NCMAP: variants seen among roughly 807,000 people sequenced by gnomAD.
NCMAP encodes the protein non-compact myelin associated protein.
NCMAP carries 8 observed loss-of-function variants against 7.8 expected under a neutral mutation model. The ratio of observed to expected loss-of-function variants is 1.02; its 90% CI spans 0.60 to 1.84. The LOEUF (loss-of-function observed/expected upper bound fraction) is 1.84, where lower values mean the gene tolerates loss of function less well. NCMAP is among the 40% of genes most tolerant of loss of function. The pLI is 0.00. For missense variants in NCMAP, 112 were observed against 131.4 expected, an observed-to-expected ratio of 0.85 and a Z score of 0.72; for synonymous variants, 41 against 52.9, an observed-to-expected ratio of 0.78 and a Z score of 0.98.
Position 24,605,738 on chromosome 1 carries a change from G to T in NCMAP, c.300G>T (p.Glu100Asp). Residue 100 changes from glutamate (E) to aspartate (D), a missense_variant, in exon 4 of 4, where the codon GAG (glutamate) becomes GAT (aspartate). Physicochemically the swap from Glu to Asp is conservative, Grantham distance 45. Transcript: ENST00000374392. ...TCAGTCCTGTTGACGTCCAGGTGGA[G>T]ACGCGATGACCTCTACCCTGGCGCT... ...VTFSPVDVQV[E>D]TR 6.2e-7 allele frequency: 1 copy of T among 1,614,176 alleles called. No homozygotes were observed. The highest frequency in any genetic ancestry group is 1.1e-5 in the South Asian group (1 of 91,078).
At position 24,576,743 on chromosome 1, in the gene NCMAP, C is replaced by T. The variant is rs1291733629; in HGVS notation, c.-7-18681C>T. On this transcript the variant is annotated intron_variant, in intron 1 of 3. Coordinates refer to ENST00000374392, the MANE Select transcript of NCMAP (RefSeq NM_001010980.5). The surrounding 1 kb of genome is among the most constrained non-coding windows in gnomAD (Gnocchi z 4.0). ...AACTCCAGCCCAGGGTTCTTGCCCC[C>T]CATCTCAGGCCTCTCTGTTGGAGTT... 6.6e-6 allele frequency among the ~76,000 whole-genome samples: 1 copy of T among 152,148 alleles called. No homozygotes were observed. Among genetic ancestry groups the T allele is most frequent in the African/African-American group, 2.4e-5 (1 of 41,426 alleles).
intron 1 of NCMAP, among the ~76,000 whole-genome samples, chr1:24,559,788 T>C (rs1650996073): frequency 6.6e-6 from 1 of 152,190 alleles, no homozygotes; most frequent in Non-Finnish European, 1.5e-5. Context: ...AGCCCTGTAC[T>C]CTGCCTCAAG....
Position 24,605,783 on chromosome 1 carries a change from G to A in NCMAP, c.*36G>A. ...GGCGCTATCTCCACCACTGTCCAAA[G>A]AGCCTCTCCAGAGTCAAGACCCAGA... On this transcript the variant is annotated 3_prime_UTR_variant, in exon 4 of 4. Coordinates refer to ENST00000374392, the MANE Select transcript of NCMAP (RefSeq NM_001010980.5). 6.2e-7 allele frequency: 1 copy of A among 1,609,088 alleles called. No individual in the cohort carries two copies. Among genetic ancestry groups the A allele is most frequent in the Non-Finnish European group, 8.5e-7 (1 of 1,175,978 alleles).
intron 1 of NCMAP, among the ~76,000 whole-genome samples, chr1:24,566,399 T>C (rs1469077380): frequency 6.6e-6 from 1 of 152,080 alleles, no homozygotes; most frequent in Non-Finnish European, 1.5e-5. Flanking sequence ...CAGGAGAGAA[T>C]ATGGGATGGG....
chr1:24,603,576 T>C (rs993744566), intron 3 of NCMAP, among the ~76,000 whole-genome samples: 3 of 152,186 alleles, frequency 2.0e-5, no homozygotes, highest in Non-Finnish European at 2.9e-5. Context: ...TTCAGTAGTC[T>C]TTGGTTTGTC....
At position 24,601,014 on chromosome 1, in the gene NCMAP, A is replaced by G. The variant is rs113221702; in HGVS notation, c.157A>G (p.Met53Val). 5.6e-6 allele frequency: 9 copies of G among 1,614,014 alleles called. No homozygotes were observed. In the East Asian group the frequency reaches 6.7e-5, roughly 12 times the overall value. The change falls in exon 3 of 4, where the codon ATG (methionine) becomes GTG (valine). Residue 53 changes from methionine to valine, a missense_variant. Met to Val is a conservative substitution (Grantham distance 21, BLOSUM62 1). Transcript: ENST00000374392. The part of the protein sequence containing the change: ...IFTVVLILLK[M>V]YNRKMRTRRE... The stretch of plus-strand genomic sequence containing the variant: ...CACCGTGGTTCTGATCCTGCTGAAG[A>G]TGTACAACAGGTACGGATGCCCTGG...
chr1:24,572,283 T>G (rs1651413422), intron 1 of NCMAP, among the ~76,000 whole-genome samples: 1 of 150,700 alleles, frequency 6.6e-6, no homozygotes, highest in African/African-American at 2.5e-5. Flanking sequence ...GGATATGACT[T>G]GGAGGTAGAG....
chr1:24,580,952 T>C (rs553594315), intron 1 of NCMAP, among the ~76,000 whole-genome samples: 1 of 152,332 alleles, frequency 6.6e-6, no homozygotes, highest in Non-Finnish European at 1.5e-5. Context: ...CAAACCTGGA[T>C]TGGCGTCTCT....
chr1:24,599,467 C>T (rs1037014225), intron 2 of NCMAP, among the ~76,000 whole-genome samples: 10 of 151,940 alleles, frequency 6.6e-5, no homozygotes, highest in African/African-American at 2.4e-4. Flanking sequence ...TTGTGGTACA[C>T]CCAAACAATG....
intron 1 of NCMAP, among the ~76,000 whole-genome samples, chr1:24,594,501 T>G (rs983479945): frequency 3.9e-5 from 6 of 152,152 alleles, no homozygotes; most frequent in Non-Finnish European, 7.4e-5. Flanking sequence ...CTGAGAGGAT[T>G]AAATCGATAA....
intron 1 of NCMAP, among the ~76,000 whole-genome samples, chr1:24,578,394 G>A (rs1651650054): frequency 6.7e-6 from 1 of 150,216 alleles, no homozygotes; most frequent in Non-Finnish European, 1.5e-5. Context: ...GGGGTCTCCA[G>A]GATCCTGGGA....
rs1289172608 is a variant in NCMAP at position 24,604,638 on chromosome 1, A to G, written c.168-968A>G. On this transcript the variant is annotated intron_variant, in intron 3 of 3. Coordinates refer to ENST00000374392, the MANE Select transcript of NCMAP (RefSeq NM_001010980.5). ...TATATATATATATATATATATATAT[A>G]TATATATATATATATGTCAGCAAGA... Among the ~76,000 whole-genome samples the G allele has an allele frequency of 1.3e-4, 12 of 91,864 alleles. 3 individuals are homozygous for G. Among genetic ancestry groups the G allele is most frequent in the African/African-American group, 5.7e-4 (10 of 17,660 alleles). The allele number at this position is 91,864 out of a possible 152,430, so 60.3% of individuals were successfully genotyped here.
rs1472968909 is a variant in NCMAP, at chr1:24,605,794, G to T, written c.*47G>T. ...CACCACTGTCCAAAGAGCCTCTCCAGAGTCAAGACCCAGAGGCACACTCTC... is the reference window on the plus strand; with the variant it reads ...CACCACTGTCCAAAGAGCCTCTCCATAGTCAAGACCCAGAGGCACACTCTC... On this transcript the variant is annotated 3_prime_UTR_variant, in exon 4 of 4. Transcript: ENST00000374392. 1.9e-6 allele frequency: 3 copies of T among 1,604,044 alleles called. No homozygotes were observed. The African/African-American group carries it at 4.0e-5, about 22-fold the overall frequency.
rs76720856 is a variant in NCMAP at position 24,606,058 on chromosome 1, T to C, written c.*311T>C. Reference sequence around the variant, plus strand: ...TTCCCCCACACTGTAGTTAGACAGATAGACAGATAGCCCAGGAGCCAGGTG... The same window carrying C: ...TTCCCCCACACTGTAGTTAGACAGACAGACAGATAGCCCAGGAGCCAGGTG... On this transcript the variant is annotated 3_prime_UTR_variant, in exon 4 of 4. Coordinates refer to ENST00000374392, the MANE Select transcript of NCMAP (RefSeq NM_001010980.5). 9 of 288,850 alleles carry C rather than the reference T, an allele frequency of 3.1e-5. No individual in the cohort carries two copies. The Admixed American group carries it at 3.8e-4, about 12-fold the overall frequency. The allele number at this position is 288,850 out of a possible 1,614,324, so 17.9% of individuals were successfully genotyped here.
intron 1 of NCMAP, among the ~76,000 whole-genome samples, chr1:24,566,392 G>A (rs1291554601): frequency 6.6e-6 from 1 of 152,182 alleles, no homozygotes; most frequent in African/African-American, 2.4e-5. Context: ...CACACTGCAG[G>A]AGAGAATATG....
intron 3 of NCMAP, among the ~76,000 whole-genome samples, chr1:24,604,597 AAAAAAAAAATATATATATATATATAT>A (rs1557605241): frequency 1.2e-4 from 8 of 66,222 alleles, no homozygotes; most frequent in African/African-American, 7.3e-4. Context: ...AAAAAAAAAA[AAAAAAAAAATATATATATATATATAT>A]ATATATATAT....
At chr1:24,573,129 C>T (rs1342643627) in intron 1 of NCMAP, among the ~76,000 whole-genome samples, 2 of 150,716 alleles carry the variant, frequency 1.3e-5, no homozygotes, top group African/African-American at 5.0e-5. Flanking sequence ...ATGGGGCAGA[C>T]CTGGGTCCTC....
chr1:24,557,328 TATAAGC>T (rs1313551277), intron 1 of NCMAP, among the ~76,000 whole-genome samples: 2 of 152,132 alleles, frequency 1.3e-5, no homozygotes, highest in Non-Finnish European at 2.9e-5. Flanking sequence ...ATGGAACAGT[TATAAGC>T]AGAAGCCAAG....
chr1:24,576,904 G>A lies in NCMAP; in HGVS notation c.-7-18520G>A, dbSNP rs529898375. Reference sequence around the variant, plus strand: ...GCACTTTGGGAGGCTGAGGCAGGTGGATCACCTGAGGTCAGGAGTTCAAGA... The same window carrying A: ...GCACTTTGGGAGGCTGAGGCAGGTGAATCACCTGAGGTCAGGAGTTCAAGA... On this transcript the variant is annotated intron_variant, in intron 1 of 3. Coordinates refer to ENST00000374392, the MANE Select transcript of NCMAP (RefSeq NM_001010980.5). The surrounding 1 kb of genome is among the most constrained non-coding windows in gnomAD (Gnocchi z 4.0). 9.0e-4 allele frequency among the ~76,000 whole-genome samples: 137 copies of A among 152,212 alleles called. 1 individual carries two copies. The highest frequency in any genetic ancestry group is 2.4e-3 in the Admixed American group (37 of 15,282).
Sources: allele counts gnomAD v4.1 joint callset (sites outside exome capture counted in the v4.1 genomes callset), GRCh38; gene constraint gnomAD v4.1.1; non-coding constraint Gnocchi (gnomAD v3.1); transcripts MANE v1.5; gene names NCBI Gene and HGNC (gene_info 2026-07-23, HGNC 2026-07-21).